The following CARS2 variants were observed in gnomAD, a reference collection of about 807,000 sequenced individuals.
CARS2 encodes cysteinyl-tRNA synthetase 2, mitochondrial, also known as probable cysteine--tRNA ligase, mitochondrial.
In CARS2, 52 loss-of-function variants were observed where a neutral mutation model predicts 68.8. The observed-to-expected ratio is 0.76, with a 90% CI of 0.61 to 0.95. The LOEUF (loss-of-function observed/expected upper bound fraction) is 0.95, where lower values mean the gene tolerates loss of function less well. Among genes scored for constraint, CARS2 ranks in the 40% least tolerant of loss-of-function variants. The probability of loss-of-function intolerance (pLI) is 0.00; values close to 1 mark genes in which losing one functional copy is unlikely to be tolerated. For missense variants in CARS2, 780 were observed against 754.2 expected, an observed-to-expected ratio of 1.03 and a Z score of -0.40; for synonymous variants, 314 against 303.6, an observed-to-expected ratio of 1.03 and a Z score of -0.36.
intron 9 of CARS2, among the ~76,000 whole-genome samples, chr13:110,656,096 A>C (rs1489901945): frequency 1.3e-5 from 2 of 151,974 alleles, no homozygotes; most frequent in African/African-American, 4.8e-5. Flanking sequence ...TGAGGTTAGG[A>C]GTTCAAGACC....
intron 3 of CARS2, among the ~76,000 whole-genome samples, chr13:110,699,260 C>T (rs1233291760): frequency 2.0e-5 from 3 of 152,188 alleles, no homozygotes; most frequent in African/African-American, 7.2e-5. Context: ...AGACAAACAC[C>T]GTCTAATGCT....
In CARS2 at chr13:110,697,994, C is replaced by G. The variant is rs148915897; in HGVS notation, c.393+3444G>C. The G allele has an allele frequency of 2.2e-5, 10 of 455,754 alleles. No individual in the cohort carries two copies. The East Asian group carries it at 6.3e-4, about 29-fold the overall frequency. The allele number at this position is 455,754 out of a possible 1,614,324, so 28.2% of individuals were successfully genotyped here. A position where few individuals can be genotyped will look rare whatever the true frequency, so the allele number is the denominator to read the frequency against. ...TAAGAGACAAGAGAAGAGCTCTGTT[C>G]ACTCAACAAATGACAAAGTTCAGCC... On this transcript the variant is annotated intron_variant, in intron 3 of 14. Coordinates refer to ENST00000257347, the MANE Select transcript of CARS2 (RefSeq NM_024537.4).
intron 3 of CARS2, among the ~76,000 whole-genome samples, chr13:110,699,695 A>C (rs776223118): frequency 1.3e-5 from 2 of 152,270 alleles, no homozygotes; most frequent in Non-Finnish European, 2.9e-5. Flanking sequence ...GAAAGCCGAC[A>C]CAAGACAGCA....
Position 110,677,097 on chromosome 13 carries a change from G to C in CARS2, c.662C>G (p.Ser221Cys), listed in dbSNP as rs201064390. The C allele has an allele frequency of 1.2e-6, 2 of 1,606,630 alleles. No individual in the cohort carries two copies. Among genetic ancestry groups the C allele is most frequent in the Non-Finnish European group, 1.7e-6 (2 of 1,174,828 alleles). The change falls in exon 7 of 15, where the codon TCT (serine) becomes TGT (cysteine). Residue 221 changes from serine (S) to cysteine (C), a missense_variant. By Grantham distance (112) the Ser-to-Cys change is moderately radical (BLOSUM62 -1). Transcript: ENST00000257347. ...GAAGTCACTGGCATGACGCTTGTCA[G>C]AGTCCGCTGCAGATGACAAACGGTA... is the stretch of plus-strand genomic sequence containing the variant. ...VPGPVGEPAD[S>C]DKRHASDFAL...
chr13:110,666,179 G>T (rs1448168337), intron 8 of CARS2: 2 of 985,262 alleles, frequency 2.0e-6, no homozygotes, highest in Non-Finnish European at 2.4e-6. Flanking sequence ...CCTGAGGGGC[G>T]ATGCCTTAAA....
At chr13:110,655,814 G>A (rs1004126259) in intron 9 of CARS2, among the ~76,000 whole-genome samples, 1 of 152,240 alleles carries the variant, frequency 6.6e-6, no homozygotes, top group Non-Finnish European at 1.5e-5. Flanking sequence ...ACTGCCTCAT[G>A]AATGAGACAG....
At position 110,665,715 on chromosome 13, in the gene CARS2, G is replaced by A. The variant is rs2062630130; in HGVS notation, c.919+1625C>T. ...CAGCTCCTCAGACAGTTCAGGGAGC[G>A]CTGAACTGAGCCCTGAACGAAGTCA... On this transcript the variant is annotated intron_variant, in intron 8 of 14. Transcript: ENST00000257347. This position sits in a 1 kb window ranked among gnomAD's most constrained non-coding sequence, Gnocchi z 4.3. 4.1e-6 allele frequency: 4 copies of A among 985,374 alleles called. No homozygotes were observed. The highest frequency in any genetic ancestry group is 4.8e-6 in the Non-Finnish European group (4 of 829,912). 61.0% of individuals were successfully genotyped at this position (985,374 alleles called of 1,614,324 possible). A position where few individuals can be genotyped will look rare whatever the true frequency, so the allele number is the denominator to read the frequency against.
At chr13:110,712,966 G>A in intron 1 of CARS2, 3 of 1,559,848 alleles carry the variant, frequency 1.9e-6, no homozygotes, top group African/African-American at 1.4e-5. Flanking sequence ...TGGTGGTCCG[G>A]CCGCGGAATG....
intron 3 of CARS2, among the ~76,000 whole-genome samples, chr13:110,697,322 G>T (rs2063651780): frequency 6.6e-6 from 1 of 152,222 alleles, no homozygotes; most frequent in Admixed American, 6.5e-5. Flanking sequence ...AGGATGTGAA[G>T]AAATACATTT....
chr13:110,644,040 G>A (rs1887760288), intron 13 of CARS2: 2 of 1,209,388 alleles, frequency 1.7e-6, no homozygotes, highest in Admixed American at 2.5e-5. Flanking sequence ...GCCCTCAAAT[G>A]GGTCAGGAAA....
intron 3 of CARS2, among the ~76,000 whole-genome samples, chr13:110,693,948 C>G (rs2063548854): frequency 6.6e-6 from 1 of 152,116 alleles, no homozygotes; most frequent in South Asian, 2.1e-4. Flanking sequence ...GTGATGCAGG[C>G]CAGTGTCCCG....
intron 2 of CARS2, 73 bp from the exon 3 acceptor site, chr13:110,701,628 A>G (rs2063790074): frequency 1.3e-6 from 1 of 783,860 alleles, no homozygotes; most frequent in African/African-American, 1.7e-5. Context: ...AATCCATTAC[A>G]TTTTAACATG....
In CARS2 at chr13:110,682,337, G is replaced by T. The variant is rs574193930; in HGVS notation, c.655+714C>A. 7.2e-5 allele frequency among the ~76,000 whole-genome samples: 11 copies of T among 152,364 alleles called. No individual in the cohort carries two copies. The South Asian group carries it at 2.3e-3, about 32-fold the overall frequency. On this transcript the variant is annotated intron_variant, in intron 6 of 14. Transcript: ENST00000257347. ...CCACGCCTCACACGTGGCTGATGTG[G>T]GCGTCTGTGTTCCGGCCTGTGCGGG...
At chr13:110,664,725 C>G (rs1298017341) in intron 8 of CARS2, 1 of 838,352 alleles carries the variant, frequency 1.2e-6, no homozygotes, top group Non-Finnish European at 1.4e-6. Flanking sequence ...AAATCCTCAG[C>G]CCTCAGGTGA....
In CARS2 at chr13:110,705,674, G is replaced by A. The variant is rs766894400; in HGVS notation, c.225-103C>T. On this transcript the variant is annotated intron_variant, in intron 1 of 14. Transcript: ENST00000257347. This position sits in a 1 kb window ranked among gnomAD's most constrained non-coding sequence, Gnocchi z 4.0. ...ATAATTTTTAAAGTAATCACTTCTG[G>A]GGGATGAATAGCCGGGGTTTTCATA... 8 of 1,465,096 alleles carry A rather than the reference G, an allele frequency of 5.5e-6. No individual in the cohort carries two copies. The African/African-American group carries it at 1.1e-4, about 21-fold the overall frequency. 90.8% of individuals were successfully genotyped at this position (1,465,096 alleles called of 1,614,324 possible). A position where few individuals can be genotyped will look rare whatever the true frequency, so the allele number is the denominator to read the frequency against.
rs1352879253 is a variant in CARS2 at position 110,679,589 on chromosome 13, AAGAAAGAAAGAGAGAG to A, written c.656-2502_656-2487del. ...AGAAAGAGAGAGAAAGAAAGAAAGA[AAGAAAGAAAGAGAGAG>A]AGAGAGAGAGAGAGAGAGAGGGAGG... On this transcript the variant is annotated intron_variant, in intron 6 of 14. Coordinates refer to ENST00000257347, the MANE Select transcript of CARS2 (RefSeq NM_024537.4). Among the ~76,000 whole-genome samples, 50 of 83,968 alleles carry A rather than the reference AAGAAAGAAAGAGAGAG, an allele frequency of 6.0e-4. 1 individual carries two copies. Among genetic ancestry groups the A allele is most frequent in the South Asian group, 2.0e-3 (4 of 1,994 alleles). 55.1% of individuals were successfully genotyped at this position (83,968 alleles called of 152,430 possible).
intron 7 of CARS2, among the ~76,000 whole-genome samples, chr13:110,675,870 C>G (rs990537513): frequency 3.3e-5 from 5 of 152,256 alleles, no homozygotes; most frequent in Non-Finnish European, 7.4e-5. Context: ...ACAAACTAAC[C>G]GTGGGCCAGG....
At position 110,688,006 on chromosome 13, in the gene CARS2, G is replaced by A; in HGVS notation, c.406C>T (p.Pro136Ser). 6.2e-7 allele frequency: 1 copy of A among 1,610,024 alleles called. No individual in the cohort carries two copies. Among genetic ancestry groups the A allele is most frequent in the South Asian group, 1.1e-5 (1 of 90,968 alleles). Reference protein sequence around the residue: ...IKRANEMNISPASLASLYEED... With the variant: ...IKRANEMNISSASLASLYEED... ...TCATAAAGACTGGCGAGGGAAGCGG[G>A]GGAAATATTCATCTGCAGAAGGATT... is the stretch of plus-strand genomic sequence containing the variant. Residue 136 changes from proline to serine, a missense_variant, in exon 4 of 15, where the codon CCC (proline) becomes TCC (serine). Transcript: ENST00000257347.
At chr13:110,644,682 CTT>C (rs1386156272) in intron 12 of CARS2, 199 bp from the exon 13 acceptor site, 12 of 898,482 alleles carry the variant, frequency 1.3e-5, no homozygotes, top group Middle Eastern at 3.6e-4. Flanking sequence ...TGAGGAATCT[CTT>C]GTGCCTCAGT....
Sources: allele counts gnomAD v4.1 joint callset (sites outside exome capture counted in the v4.1 genomes callset), GRCh38; gene constraint gnomAD v4.1.1; non-coding constraint Gnocchi (gnomAD v3.1); transcripts MANE v1.5; gene names NCBI Gene and HGNC (gene_info 2026-07-23, HGNC 2026-07-21).